DPP3: variants seen among roughly 807,000 people sequenced by gnomAD.
DPP3 encodes DPP III.
DPP3 carries 64 observed loss-of-function variants against 89.8 expected under a neutral mutation model. That is an observed-to-expected ratio of 0.71 (90% CI 0.58 to 0.88). The LOEUF (loss-of-function observed/expected upper bound fraction) is 0.88. DPP3 is among the 40% of genes least tolerant of loss of function. DPP3 has a pLI of 0.00. For missense variants in DPP3, 835 were observed against 972.5 expected, an observed-to-expected ratio of 0.86 and a Z score of 1.88; for synonymous variants, 377 against 404.3, an observed-to-expected ratio of 0.93 and a Z score of 0.81.
chr11:66,503,338 G>A (rs1442348208), intron 16 of DPP3, among the ~76,000 whole-genome samples: 1 of 152,148 alleles, frequency 6.6e-6, no homozygotes, highest in East Asian at 1.9e-4. Context: ...ATAATCAAAC[G>A]AGAAACATTA....
rs1855428004 is a variant in DPP3 at position 66,492,804 on chromosome 11, GC to G, written c.1082del (p.Pro361GlnfsTer38). 1.2e-6 allele frequency: 2 copies of G among 1,614,020 alleles called. No homozygotes were observed. Among genetic ancestry groups the G allele is most frequent in the Non-Finnish European group, 1.7e-6 (2 of 1,179,980 alleles). ...AGCAGCTGCTGAAGGAGCTGCCCTGGCCCCCAACCTTTGAGAAGGACAAGTT... is the reference window on the plus strand; with the variant it reads ...AGCAGCTGCTGAAGGAGCTGCCCTGGCCCCAACCTTTGAGAAGGACAAGTT... The part of the protein sequence containing the change: ...AEQLLKELPW[P>X]PTFEKDKFLT... On this transcript the variant is annotated frameshift_variant, in exon 10 of 18. Transcript: ENST00000531863. LOFTEE classifies it high-confidence loss of function.
chr11:66,497,179 A>G (rs751167644), intron 15 of DPP3, 119 bp from the exon 16 acceptor site: 5 of 1,263,638 alleles, frequency 4.0e-6, no homozygotes, highest in African/African-American at 3.0e-5. Context: ...AACAGTTGCC[A>G]GTTAATGGGC....
intron 6 of DPP3, among the ~76,000 whole-genome samples, chr11:66,490,974 G>A (rs187712035): frequency 6.6e-6 from 1 of 152,062 alleles, no homozygotes; most frequent in Non-Finnish European, 1.5e-5. Flanking sequence ...TCACCATGTT[G>A]GCCAGACTGG....
Position 66,482,350 on chromosome 11 carries a change from T to C in DPP3, c.150T>C (p.Leu50=). ...AAWYGGLAVL[L]QTSPEAPYIY... is the part of the protein sequence containing the mutation. ...GGTACGGAGGCCTGGCTGTGCTGCT[T>C]CAGACCTCCCCTGAGGCCCCCTACA... Residue 50 remains leucine, a synonymous_variant, in exon 2 of 18, where the codon CTT becomes CTC. Transcript: ENST00000531863. 2 of 1,613,438 alleles carry C rather than the reference T, an allele frequency of 1.2e-6. No homozygotes were observed. The highest frequency in any genetic ancestry group is 2.2e-5 in the South Asian group (2 of 91,086).
Position 66,482,200 on chromosome 11 carries a change from C to T in DPP3, c.-1C>T. ...GACAGTGATGGTTCTCAGCAGGGCC[C>T]ATGGCGGACACCCAGTACATCCTGC... On this transcript the variant is annotated 5_prime_UTR_variant, in exon 2 of 18. Coordinates refer to ENST00000531863, the MANE Select transcript of DPP3 (RefSeq NM_130443.4). 6.2e-7 allele frequency: 1 copy of T among 1,614,028 alleles called. No individual in the cohort carries two copies.
At chr11:66,496,253 T>C (rs977158068) in intron 15 of DPP3, among the ~76,000 whole-genome samples, 2 of 152,134 alleles carry the variant, frequency 1.3e-5, no homozygotes, top group Non-Finnish European at 2.9e-5. Flanking sequence ...TGTTTGTTCG[T>C]TTTTGTTTTT....
intron 3 of DPP3, 61 bp downstream of exon 3, chr11:66,485,323 A>T: frequency 1.3e-6 from 2 of 1,524,416 alleles, no homozygotes; most frequent in Admixed American, 3.6e-5. Flanking sequence ...GAGATGGAAA[A>T]TGCAGTAGAA....
At chr11:66,493,020 C>A in intron 10 of DPP3, 47 bp from the exon 11 acceptor site, 1 of 1,611,598 alleles carries the variant, frequency 6.2e-7, no homozygotes, top group Non-Finnish European at 8.5e-7. Context: ...TTGTCTGTTA[C>A]CTTTGACCCT....
chr11:66,491,482 C>G lies in DPP3; in HGVS notation c.799-12C>G. ...GGGTGGCCCGAGGCTGACCGACCCC[C>G]GCTCACCTCAGGCCTATGCAGCCAA... On this transcript the variant is annotated splice_polypyrimidine_tract_variant and intron_variant, in intron 7 of 17. Coordinates refer to ENST00000531863, the MANE Select transcript of DPP3 (RefSeq NM_130443.4). 1.3e-6 allele frequency: 2 copies of G among 1,599,524 alleles called. No individual in the cohort carries two copies. Among genetic ancestry groups the G allele is most frequent in the Non-Finnish European group, 1.7e-6 (2 of 1,170,626 alleles).
chr11:66,497,567 G>A, intron 16 of DPP3, 90 bp downstream of exon 16: 1 of 1,483,214 alleles, frequency 6.7e-7, no homozygotes, highest in Non-Finnish European at 9.0e-7. Flanking sequence ...GCTGTGAGCA[G>A]TTTCTTATGC....
chr11:66,495,861 A>G, intron 15 of DPP3, 111 bp downstream of exon 15: 2 of 1,488,242 alleles, frequency 1.3e-6, no homozygotes. Context: ...ACTGGGTTTA[A>G]TGCTAGACTC....
intron 6 of DPP3, among the ~76,000 whole-genome samples, chr11:66,488,405 T>C (rs772087832): frequency 2.6e-5 from 4 of 152,012 alleles, no homozygotes; most frequent in African/African-American, 9.7e-5. Flanking sequence ...CTACTAAAAA[T>C]ACAGAAATTA....
intron 16 of DPP3, among the ~76,000 whole-genome samples, chr11:66,502,816 G>A (rs1348144442): frequency 2.0e-5 from 3 of 152,012 alleles, no homozygotes; most frequent in African/African-American, 4.8e-5. Flanking sequence ...AGCCAGGATG[G>A]TCTTGATCTA....
chr11:66,499,638 C>T (rs1347133856), intron 16 of DPP3, among the ~76,000 whole-genome samples: 1 of 151,854 alleles, frequency 6.6e-6, no homozygotes, highest in Admixed American at 6.6e-5. Context: ...GGCATGGTGG[C>T]AGGCGCCTGT....
In DPP3 at chr11:66,485,278, G is replaced by A. The variant is rs1362502560; in HGVS notation, c.360+16G>A. The A allele has an allele frequency of 6.2e-7, 1 of 1,607,746 alleles. No individual in the cohort carries two copies. The highest frequency in any genetic ancestry group is 1.3e-5 in the African/African-American group (1 of 74,718). The stretch of plus-strand genomic sequence containing the variant: ...CTTGCCCAAGGTGAGCCAAGGGAGG[G>A]TTGGGGAAGGTGGGGATGGGGGGCT... On this transcript the variant is annotated intron_variant, in intron 3 of 17. Coordinates refer to ENST00000531863, the MANE Select transcript of DPP3 (RefSeq NM_130443.4).
intron 16 of DPP3, among the ~76,000 whole-genome samples, chr11:66,499,512 G>A (rs191180677): frequency 8.6e-4 from 131 of 152,296 alleles, no homozygotes; most frequent in African/African-American, 3.1e-3. Context: ...GTTCACGCCT[G>A]TAATCCCAGC....
At chr11:66,501,196 A>T (rs1855667726) in intron 16 of DPP3, among the ~76,000 whole-genome samples, 1 of 151,740 alleles carries the variant, frequency 6.6e-6, no homozygotes, top group Non-Finnish European at 1.5e-5. Flanking sequence ...CAAAAAAAAA[A>T]AAAAGTGCAA....
At position 66,492,871 on chromosome 11, in the gene DPP3, G is replaced by A. The variant is rs200126600; in HGVS notation, c.1144G>A (p.Ala382Thr). 1.5e-5 allele frequency: 25 copies of A among 1,613,610 alleles called. No homozygotes were observed. The highest frequency in any genetic ancestry group is 2.7e-5 in the African/African-American group (2 of 74,994). Residue 382 changes from alanine (A) to threonine (T), a missense_variant, in exon 10 of 18, where the codon GCT becomes ACT. Coordinates refer to ENST00000531863, the MANE Select transcript of DPP3 (RefSeq NM_130443.4). ...CACCTCCCTGGATGTTCTCACCTTC[G>A]CTGGCTCCGGCATCCCTGCCGGCAT... is the stretch of plus-strand genomic sequence containing the variant. ...DFTSLDVLTF[A>T]GSGIPAGINI...
intron 3 of DPP3, among the ~76,000 whole-genome samples, chr11:66,485,596 C>T (rs1855204113): frequency 1.3e-5 from 2 of 152,198 alleles, no homozygotes; most frequent in Admixed American, 6.5e-5. Flanking sequence ...CCGGGGGCAT[C>T]CCTCCCAGGG....
Sources: gnomAD v4.1 joint callset for allele counts (sites outside exome capture counted in the v4.1 genomes callset) on GRCh38, gnomAD v4.1.1 for gene constraint, MANE v1.5 for transcripts, NCBI Gene and HGNC (gene_info 2026-07-23, HGNC 2026-07-21) for gene names.